SLCO3A1: variants seen among roughly 807,000 people sequenced by gnomAD.
The protein encoded by SLCO3A1 is PGE1 transporter.
Under a neutral mutation model 63.1 loss-of-function variants are expected in SLCO3A1, and 27 were observed. The ratio of observed to expected loss-of-function variants is 0.43; its 90% CI spans 0.32 to 0.59. SLCO3A1 has a LOEUF of 0.59. Ranked by LOEUF, SLCO3A1 falls within the 20% of genes least tolerant of loss-of-function variation. The pLI is 0.09. For synonymous variants in SLCO3A1, 473 were observed against 409.9 expected (o/e 1.15, Z -1.86); for missense variants, 773 against 945.8 (o/e 0.82, Z 2.40).
In SLCO3A1 at chr15:91,948,192, G is replaced by T. The variant is rs1208321968; in HGVS notation, c.646+31734G>T. Among the ~76,000 whole-genome samples, 1 of 152,218 alleles carries T rather than the reference G, an allele frequency of 6.6e-6. No homozygotes were observed. Among genetic ancestry groups the T allele is most frequent in the Non-Finnish European group, 1.5e-5 (1 of 68,038 alleles). On this transcript the variant is annotated intron_variant, in intron 2 of 9. Transcript: ENST00000318445. The surrounding 1 kb of genome is among the most constrained non-coding windows in gnomAD (Gnocchi z 4.8). ...TACCTGCCCTTTGTTTCAGTGCCAT[G>T]CGGCTAATGAATGCCGACCTCCGGG...
intron 1 of SLCO3A1, among the ~76,000 whole-genome samples, chr15:91,911,535 G>T (rs1898485074): frequency 6.6e-6 from 1 of 152,138 alleles, no homozygotes; most frequent in Non-Finnish European, 1.5e-5. Flanking sequence ...TATGTGCCTG[G>T]TGCCTGAATG....
chr15:91,994,097 A>G (rs573981373), intron 2 of SLCO3A1, among the ~76,000 whole-genome samples: 7 of 152,248 alleles, frequency 4.6e-5, no homozygotes, highest in Non-Finnish European at 8.8e-5. Context: ...TTTGCGTGAC[A>G]TGATAAATGT....
chr15:91,926,604 C>CGCGCGT (rs1336844662), intron 2 of SLCO3A1, among the ~76,000 whole-genome samples: 95 of 43,668 alleles, frequency 2.2e-3, no homozygotes, highest in African/African-American at 0.01. Flanking sequence ...TGTGCGCGCG[C>CGCGCGT]GCACGCCCAT....
chr15:92,112,484 C>G (rs777226009), intron 4 of SLCO3A1, among the ~76,000 whole-genome samples: 6 of 152,274 alleles, frequency 3.9e-5, no homozygotes, highest in African/African-American at 7.2e-5. Context: ...GGGCCACAGC[C>G]CAGGAATTCT....
intron 1 of SLCO3A1, among the ~76,000 whole-genome samples, chr15:91,893,607 A>G (rs1329195512): frequency 6.6e-6 from 1 of 152,106 alleles, no homozygotes; most frequent in East Asian, 1.9e-4. Context: ...TCCTAATACT[A>G]TCACATTGGT....
intron 2 of SLCO3A1, among the ~76,000 whole-genome samples, chr15:91,929,250 C>A (rs1323944216): frequency 6.6e-6 from 1 of 152,190 alleles, no homozygotes; most frequent in East Asian, 1.9e-4. Flanking sequence ...AAAGGCAGGC[C>A]TCCTTAAGGC....
intron 2 of SLCO3A1, among the ~76,000 whole-genome samples, chr15:92,016,204 T>TAGATAGATAGATAG (rs1567067728): frequency 1.2e-4 from 14 of 120,208 alleles, no homozygotes; most frequent in Non-Finnish European, 1.9e-4. Flanking sequence ...TATATATTTA[T>TAGATAGATAGATAG]ATAGATAGAT....
rs918244644 is a variant in SLCO3A1 at position 91,897,717 on chromosome 15, A to C, written c.181-18276A>C. ...CGGCAGAGTGGATTGGTGTGCTCCCATGTGCTAGGCTGAGTCTACCCTGCA... is the reference window on the plus strand; with the variant it reads ...CGGCAGAGTGGATTGGTGTGCTCCCCTGTGCTAGGCTGAGTCTACCCTGCA... On this transcript the variant is annotated intron_variant, in intron 1 of 9. Coordinates refer to ENST00000318445, the MANE Select transcript of SLCO3A1 (RefSeq NM_013272.4). The surrounding 1 kb of genome is among the most constrained non-coding windows in gnomAD (Gnocchi z 4.7). 2.0e-5 allele frequency among the ~76,000 whole-genome samples: 3 copies of C among 152,140 alleles called. No individual in the cohort carries two copies. Among genetic ancestry groups the C allele is most frequent in the Non-Finnish European group, 4.4e-5 (3 of 68,038 alleles).
chr15:92,151,093 C>A, intron 9 of SLCO3A1, 79 bp downstream of exon 9: 1 of 972,810 alleles, frequency 1.0e-6, no homozygotes, highest in Non-Finnish European at 1.6e-6. Flanking sequence ...CAAATTATCC[C>A]ATTTCCTAGG....
intron 1 of SLCO3A1, among the ~76,000 whole-genome samples, chr15:91,899,066 C>T (rs1243385932): frequency 1.3e-5 from 2 of 152,170 alleles, no homozygotes; most frequent in Admixed American, 1.3e-4. Flanking sequence ...TGGAGAGAGT[C>T]ATCAATGAGG....
intron 2 of SLCO3A1, among the ~76,000 whole-genome samples, chr15:92,068,930 C>A (rs1199875359): frequency 6.6e-6 from 1 of 152,186 alleles, no homozygotes; most frequent in African/African-American, 2.4e-5. Flanking sequence ...TCACACAACT[C>A]CTTCACACGG....
At position 91,883,479 on chromosome 15, in the gene SLCO3A1, C is replaced by T. The variant is rs551722587; in HGVS notation, c.180+29391C>T. 2.6e-5 allele frequency among the ~76,000 whole-genome samples: 4 copies of T among 152,342 alleles called. No homozygotes were observed. The highest frequency in any genetic ancestry group is 1.3e-4 in the Admixed American group (2 of 15,304). Reference sequence around the variant, plus strand: ...GCTCCCCGGAGGGATGTACCTCGCACTGACTGGCTGGGGCCCTTCATCCTT... The same window carrying T: ...GCTCCCCGGAGGGATGTACCTCGCATTGACTGGCTGGGGCCCTTCATCCTT... On this transcript the variant is annotated intron_variant, in intron 1 of 9. Coordinates refer to ENST00000318445, the MANE Select transcript of SLCO3A1 (RefSeq NM_013272.4). This position sits in a 1 kb window ranked among gnomAD's most constrained non-coding sequence, Gnocchi z 4.8.
At chr15:91,937,613 G>C (rs572341254) in intron 2 of SLCO3A1, among the ~76,000 whole-genome samples, 120 of 152,060 alleles carry the variant, frequency 7.9e-4, no homozygotes, top group African/African-American at 2.8e-3. Flanking sequence ...CAGCTACTTG[G>C]GGGGCTGAGG....
chr15:91,959,220 C>G (rs186543950), intron 2 of SLCO3A1, among the ~76,000 whole-genome samples: 37 of 152,118 alleles, frequency 2.4e-4, no homozygotes, highest in African/African-American at 8.7e-4. Context: ...GGGAGCTAAG[C>G]TATGAGGACA....
chr15:92,068,717 G>C (rs1027818686), intron 2 of SLCO3A1, among the ~76,000 whole-genome samples: 1 of 152,184 alleles, frequency 6.6e-6, no homozygotes, highest in Admixed American at 6.5e-5. Context: ...TGTTCTGTCC[G>C]AATGGTGTTA....
chr15:92,124,260 G>A (rs1017151987), intron 5 of SLCO3A1, among the ~76,000 whole-genome samples: 9 of 152,320 alleles, frequency 5.9e-5, no homozygotes, highest in African/African-American at 9.6e-5. Flanking sequence ...ATAGGTTAAC[G>A]TAATGAGAAT....
chr15:92,153,057 G>T (rs1373904005), intron 9 of SLCO3A1, among the ~76,000 whole-genome samples: 1 of 152,232 alleles, frequency 6.6e-6, no homozygotes, highest in Non-Finnish European at 1.5e-5. Flanking sequence ...ATATGATACT[G>T]TTAAAATCAT....
At chr15:91,986,555 A>C (rs986452064) in intron 2 of SLCO3A1, among the ~76,000 whole-genome samples, 1 of 152,230 alleles carries the variant, frequency 6.6e-6, no homozygotes, top group South Asian at 2.1e-4. Flanking sequence ...TAAGTGATCA[A>C]TGTGAACATT....
chr15:92,167,691 T>G (rs560133294), downstream of SLCO3A1, among the ~76,000 whole-genome samples: 1 of 152,348 alleles, frequency 6.6e-6, no homozygotes, highest in Admixed American at 6.5e-5. Flanking sequence ...ATGCCTCTTA[T>G]GGGGCCTGTT....
Sources: gnomAD v4.1 joint callset for allele counts (sites outside exome capture counted in the v4.1 genomes callset) on GRCh38, gnomAD v4.1.1 for gene constraint, Gnocchi (gnomAD v3.1) non-coding constraint, MANE v1.5 for transcripts, NCBI Gene and HGNC (gene_info 2026-07-23, HGNC 2026-07-21) for gene names.